Variants in ROBO1 observed in about 807,000 individuals in gnomAD.
ROBO1 encodes roundabout guidance receptor 1, also known as roundabout homolog 1.
ROBO1 carries 149 observed loss-of-function variants against 195.9 expected under a neutral mutation model. The observed-to-expected ratio is 0.76, with a 90% CI of 0.67 to 0.87. ROBO1 has a LOEUF of 0.87. ROBO1 is among the 40% of genes least tolerant of loss of function. The pLI, the probability that ROBO1 is intolerant of heterozygous loss-of-function variation, is 0.00. For synonymous variants in ROBO1, 816 were observed against 733.2 expected, an observed-to-expected ratio of 1.11 and a Z score of -1.82; for missense variants, 1,933 against 2,068.3, an observed-to-expected ratio of 0.93 and a Z score of 1.27.
intron 2 of ROBO1, among the ~76,000 whole-genome samples, chr3:79,321,297 T>A (rs1338727052): frequency 6.6e-6 from 1 of 152,180 alleles, no homozygotes; most frequent in Admixed American, 6.5e-5. Context: ...TCTTATGAAT[T>A]TAGATTATCT....
At chr3:78,782,850 T>G (rs547607720) in intron 4 of ROBO1, among the ~76,000 whole-genome samples, 161 of 152,308 alleles carry the variant, frequency 1.1e-3, no homozygotes, top group Non-Finnish European at 1.9e-3. Flanking sequence ...TAAATTTGAC[T>G]GTTTCATCTT....
chr3:79,697,459 C>T (rs1274651862), intron 1 of ROBO1, among the ~76,000 whole-genome samples: 1 of 151,324 alleles, frequency 6.6e-6, no homozygotes, highest in Non-Finnish European at 1.5e-5. Flanking sequence ...AATAAAATTA[C>T]ATTCAATTAT....
chr3:79,336,422 T>C (rs1203838016), intron 2 of ROBO1, among the ~76,000 whole-genome samples: 5 of 152,248 alleles, frequency 3.3e-5, no homozygotes, highest in African/African-American at 7.2e-5. Flanking sequence ...GGCGCCAACG[T>C]ACTGCTCAGG....
intron 1 of ROBO1, among the ~76,000 whole-genome samples, chr3:79,713,686 G>A (rs980221659): frequency 6.6e-6 from 1 of 152,090 alleles, no homozygotes; most frequent in Non-Finnish European, 1.5e-5. Context: ...TGTCCTGAAT[G>A]GTATTGCCTA....
At chr3:79,689,293 T>G (rs1030951033) in intron 1 of ROBO1, among the ~76,000 whole-genome samples, 13 of 152,044 alleles carry the variant, frequency 8.6e-5, no homozygotes, top group African/African-American at 3.1e-4. Context: ...TGTGAAAATC[T>G]GTTTTATTGT....
intron 5 of ROBO1, among the ~76,000 whole-genome samples, chr3:78,728,528 C>G (rs536846269): frequency 6.6e-6 from 1 of 151,250 alleles, no homozygotes; most frequent in South Asian, 2.1e-4. Context: ...ACAAATTATT[C>G]ACTAGTCTAT....
chr3:78,769,627 T>G (rs1399487893), intron 4 of ROBO1, among the ~76,000 whole-genome samples: 2 of 151,148 alleles, frequency 1.3e-5, no homozygotes, highest in Non-Finnish European at 2.9e-5. Context: ...GGTTTTTTTT[T>G]TTTTTTTTTT....
intron 2 of ROBO1, among the ~76,000 whole-genome samples, chr3:79,342,723 A>G (rs2034957354): frequency 6.6e-6 from 1 of 152,164 alleles, no homozygotes; most frequent in South Asian, 2.1e-4. Context: ...AAATAATGGA[A>G]TGATGAATCA....
chr3:78,949,372 C>A, intron 3 of ROBO1, among the ~76,000 whole-genome samples: 1 of 135,602 alleles, frequency 7.4e-6, no homozygotes, highest in Non-Finnish European at 1.6e-5. Context: ...CTACAACTAT[C>A]TGATCTTTGA....
At chr3:79,126,418 G>A (rs1181631815) in intron 2 of ROBO1, among the ~76,000 whole-genome samples, 1 of 152,174 alleles carries the variant, frequency 6.6e-6, no homozygotes, top group African/African-American at 2.4e-5. Context: ...CAGACTCAGA[G>A]TAGCAGAGGA....
At chr3:79,576,157 A>T (rs575875361) in intron 2 of ROBO1, among the ~76,000 whole-genome samples, 2 of 152,108 alleles carry the variant, frequency 1.3e-5, no homozygotes, top group African/African-American at 4.8e-5. Context: ...GGTTAAATAC[A>T]GTATGTAAGA....
intron 2 of ROBO1, among the ~76,000 whole-genome samples, chr3:79,411,997 C>T (rs549677164): frequency 1.3e-5 from 2 of 152,008 alleles, no homozygotes; most frequent in African/African-American, 2.4e-5. Context: ...TCTCAGCCAT[C>T]GAGAGCAGCA....
intron 3 of ROBO1, among the ~76,000 whole-genome samples, chr3:79,093,844 G>T (rs1004185346): frequency 2.6e-5 from 4 of 152,002 alleles, no homozygotes; most frequent in Admixed American, 2.6e-4. Flanking sequence ...TTAAGAAGTG[G>T]ACAGAAAAGA....
intron 1 of ROBO1, among the ~76,000 whole-genome samples, chr3:79,681,414 A>G (rs1386561542): frequency 6.6e-6 from 1 of 152,030 alleles, no homozygotes; most frequent in East Asian, 1.9e-4. Context: ...TTGAGTATAT[A>G]GAGAATATTA....
rs566900439 is a variant in ROBO1, at chr3:79,458,708, G to GA, written c.88+131115dup. 7.6e-3 allele frequency among the ~76,000 whole-genome samples: 1,114 copies of GA among 146,390 alleles called. 14 individuals are homozygous for GA. The highest frequency in any genetic ancestry group is 0.034 in the South Asian group (156 of 4,650). On this transcript the variant is annotated intron_variant, in intron 2 of 30. Transcript: ENST00000464233. ...AACGAAACACTATGATTTTCCATAGGAAAAAAAAAACTGGTGAAAAGGAGT... is the reference window on the plus strand; with the variant it reads ...AACGAAACACTATGATTTTCCATAGGAAAAAAAAAAACTGGTGAAAAGGAGT...
At chr3:79,741,271 C>T (rs1703637355) in intron 1 of ROBO1, among the ~76,000 whole-genome samples, 1 of 152,194 alleles carries the variant, frequency 6.6e-6, no homozygotes, top group Non-Finnish European at 1.5e-5. Context: ...CGATTATATC[C>T]ATTCCCTTAT....
At chr3:78,705,022 T>C (rs1005534167) in intron 8 of ROBO1, among the ~76,000 whole-genome samples, 1 of 152,220 alleles carries the variant, frequency 6.6e-6, no homozygotes, top group Non-Finnish European at 1.5e-5. Context: ...CTGAGTACAG[T>C]ATATCTAAAT....
intron 17 of ROBO1, among the ~76,000 whole-genome samples, chr3:78,658,750 T>C (rs1371555521): frequency 6.6e-6 from 1 of 152,250 alleles, no homozygotes; most frequent in Non-Finnish European, 1.5e-5. Flanking sequence ...TATTTTAATA[T>C]AGTTTCAATA....
intron 2 of ROBO1, among the ~76,000 whole-genome samples, chr3:79,332,175 C>A: frequency 1.4e-5 from 2 of 144,906 alleles, no homozygotes. Flanking sequence ...AAGAATGTGA[C>A]TTTAAGGAGA....
Sources: allele counts gnomAD v4.1 joint callset (sites outside exome capture counted in the v4.1 genomes callset), GRCh38; gene constraint gnomAD v4.1.1; transcripts MANE v1.5; gene names NCBI Gene and HGNC (gene_info 2026-07-23, HGNC 2026-07-21).